The following CCDC88C variants were observed in gnomAD, a reference collection of about 807,000 sequenced individuals.
CCDC88C encodes the protein coiled-coil and HOOK domain protein 88C.
CCDC88C carries 131 observed loss-of-function variants against 198.8 expected under a neutral mutation model. That is an observed-to-expected ratio of 0.66 (90% CI 0.57 to 0.76). The LOEUF (loss-of-function observed/expected upper bound fraction) is 0.76. CCDC88C is among the 30% of genes least tolerant of loss of function. The pLI is 0.00. For missense variants in CCDC88C, 2,553 were observed against 2,631.6 expected, an observed-to-expected ratio of 0.97 and a Z score of 0.65; for synonymous variants, 1,166 against 1,114.7, an observed-to-expected ratio of 1.05 and a Z score of -0.92.
At chr14:91,279,328 A>G (rs1034544775) in intron 27 of CCDC88C, 22 bp from the exon 28 acceptor site, 12 of 1,574,964 alleles carry the variant, frequency 7.6e-6, no homozygotes, top group Non-Finnish European at 1.0e-5. Context: ...TGGCAGTGTT[A>G]AAATTAAAAA....
chr14:91,272,960 C>T lies in CCDC88C; in HGVS notation c.5752G>A (p.Ala1918Thr), dbSNP rs1167671954. The change falls in exon 30 of 30, where the codon GCT becomes ACT. Residue 1918 changes from alanine (A) to threonine (T), a missense_variant. By Grantham distance (58) the Ala-to-Thr change is moderately conservative. Around this residue, in one of 2 missense-constraint regions of CCDC88C, gnomAD observed 1,293 missense variants for 1,219.6 expected, o/e 1.06. Coordinates refer to ENST00000389857, the MANE Select transcript of CCDC88C (RefSeq NM_001080414.4). ...IATAGAGAAA[A>T]GSGSNSQLLH... is the part of the protein sequence containing the mutation. ...AGCTGGGAGTTGCTGCCACTGCCAG[C>T]AGCAGCAGCACCAGCACCTGCAGTG... 2 of 1,557,670 alleles carry T rather than the reference C, an allele frequency of 1.3e-6. No homozygotes were observed. The highest frequency in any genetic ancestry group is 2.7e-5 in the African/African-American group (2 of 73,844).
chr14:91,306,064 A>G, intron 18 of CCDC88C, 138 bp from the exon 19 acceptor site: 1 of 766,008 alleles, frequency 1.3e-6, no homozygotes, highest in Non-Finnish European at 2.1e-6. Context: ...TGAGGTCAGT[A>G]TATTTTCTCT....
intron 3 of CCDC88C, among the ~76,000 whole-genome samples, chr14:91,382,745 A>T (rs563532787): frequency 6.6e-6 from 1 of 152,288 alleles, no homozygotes; most frequent in South Asian, 2.1e-4. Context: ...GTCTGCTTGG[A>T]TTTTTGGCAC....
intron 10 of CCDC88C, among the ~76,000 whole-genome samples, chr14:91,334,139 T>C (rs921413522): frequency 2.0e-5 from 3 of 152,242 alleles, no homozygotes; most frequent in African/African-American, 7.2e-5. Context: ...CATCAATCTA[T>C]CCATCTCTCT....
chr14:91,303,981 GC>G lies in CCDC88C; in HGVS notation c.3358-4del. 1 of 1,596,182 alleles carries G rather than the reference GC, an allele frequency of 6.3e-7. No individual in the cohort carries two copies. The highest frequency in any genetic ancestry group is 8.5e-7 in the Non-Finnish European group (1 of 1,172,814). On this transcript the variant is annotated splice_polypyrimidine_tract_variant and splice_region_variant and intron_variant, in intron 19 of 29. Transcript: ENST00000389857. ...GAACTCAGCGTGGAGTTCTCCACCT[GC>G]CGAGAGGGAGAAGCGCGGCGTGGCG...
intron 3 of CCDC88C, among the ~76,000 whole-genome samples, chr14:91,401,106 A>G (rs998290578): frequency 1.2e-4 from 18 of 151,602 alleles, no homozygotes; most frequent in African/African-American, 4.4e-4. Context: ...TACGAGCCAC[A>G]CTTTAGAAAC....
chr14:91,360,955 G>A (rs538712251), intron 3 of CCDC88C, among the ~76,000 whole-genome samples: 16 of 152,174 alleles, frequency 1.1e-4, no homozygotes, highest in Admixed American at 1.0e-3. Flanking sequence ...AGACAAGCCT[G>A]GGCAACACAG....
In CCDC88C at chr14:91,342,653, A is replaced by G. The variant is rs116026122; in HGVS notation, c.400-190T>C. Reference sequence around the variant, plus strand: ...TCTAGTGGTTGCCAGGACCACTTACATCAGAATCACCTGGGGAGCTTGTTC... The same window carrying G: ...TCTAGTGGTTGCCAGGACCACTTACGTCAGAATCACCTGGGGAGCTTGTTC... On this transcript the variant is annotated intron_variant, in intron 5 of 29. Transcript: ENST00000389857. Among the ~76,000 whole-genome samples the G allele has an allele frequency of 5.6e-3, 855 of 152,336 alleles. 5 individuals carry two copies. Among genetic ancestry groups the G allele is most frequent in the African/African-American group, 0.02 (814 of 41,574 alleles).
intron 25 of CCDC88C, chr14:91,285,541 T>C (rs1890367521): frequency 1.2e-6 from 1 of 849,138 alleles, no homozygotes; most frequent in Non-Finnish European, 1.6e-6. Context: ...ACTTTAAGCT[T>C]GAAATTGGGG....
At chr14:91,388,821 G>T (rs146724350) in intron 3 of CCDC88C, among the ~76,000 whole-genome samples, 16 of 152,256 alleles carry the variant, frequency 1.1e-4, no homozygotes, top group African/African-American at 3.9e-4. Context: ...ACTTCCCTGG[G>T]TATTAATAGC....
At position 91,278,172 on chromosome 14, in the gene CCDC88C, C is replaced by T. The variant is rs1420249613; in HGVS notation, c.4808G>A (p.Ser1603Asn). ...CCTGCTGGGGATCAGGTCTTCGCTG[C>T]TGAAGCTCTCAGACCGGCCATGGAG... ...EQLHGRSESF[S>N]SEDLIPSRDL... Residue 1603 changes from serine to asparagine, a missense_variant, in exon 29 of 30, where the codon AGC becomes AAC. This residue lies in a region of CCDC88C where 1,293 missense variants were observed against 1,219.6 expected (regional missense o/e 1.06). Transcript: ENST00000389857. 1 of 1,611,204 alleles carries T rather than the reference C, an allele frequency of 6.2e-7. No homozygotes were observed. Among genetic ancestry groups the T allele is most frequent in the Admixed American group, 1.7e-5 (1 of 59,964 alleles).
chr14:91,352,628 G>A lies in CCDC88C; in HGVS notation c.340+7014C>T, dbSNP rs1205677966. On this transcript the variant is annotated intron_variant, in intron 4 of 29. Coordinates refer to ENST00000389857, the MANE Select transcript of CCDC88C (RefSeq NM_001080414.4). This position sits in a 1 kb window ranked among gnomAD's most constrained non-coding sequence, Gnocchi z 4.2. Reference sequence around the variant, plus strand: ...AACGCCCAAAACGTTTTGCAAATATGAAAATTATATATATATACACACACA... The same window carrying A: ...AACGCCCAAAACGTTTTGCAAATATAAAAATTATATATATATACACACACA... Among the ~76,000 whole-genome samples the A allele has an allele frequency of 6.6e-6, 1 of 152,102 alleles. No individual in the cohort carries two copies. The highest frequency in any genetic ancestry group is 1.5e-5 in the Non-Finnish European group (1 of 68,008).
At chr14:91,358,128 C>T (rs1894127211) in intron 4 of CCDC88C, among the ~76,000 whole-genome samples, 1 of 152,214 alleles carries the variant, frequency 6.6e-6, no homozygotes, top group Non-Finnish European at 1.5e-5. Flanking sequence ...AACAAGGAAG[C>T]CGCTGCTGAT....
At chr14:91,296,846 G>A (rs796530479) in intron 22 of CCDC88C, among the ~76,000 whole-genome samples, 13 of 152,248 alleles carry the variant, frequency 8.5e-5, no homozygotes, top group African/African-American at 2.4e-4. Flanking sequence ...GTCTTGCTGC[G>A]TGAGGCCATT....
chr14:91,345,191 T>TATATA (rs1491366967), intron 4 of CCDC88C, among the ~76,000 whole-genome samples: 8 of 33,628 alleles, frequency 2.4e-4, no homozygotes, highest in African/African-American at 1.0e-3. Flanking sequence ...TATATATATA[T>TATATA]TTTTTTTTTT....
At chr14:91,367,265 C>CA (rs1239776726) in intron 3 of CCDC88C, among the ~76,000 whole-genome samples, 2 of 152,176 alleles carry the variant, frequency 1.3e-5, no homozygotes. Context: ...GATGAACGCC[C>CA]AGCACAGGCA....
At chr14:91,301,774 A>G (rs1236748843) in intron 20 of CCDC88C, among the ~76,000 whole-genome samples, 1 of 152,226 alleles carries the variant, frequency 6.6e-6, no homozygotes, top group Admixed American at 6.5e-5. Flanking sequence ...ACATAACATA[A>G]CACTAAGAAT....
intron 21 of CCDC88C, among the ~76,000 whole-genome samples, chr14:91,298,696 T>C (rs1891135573): frequency 6.6e-6 from 1 of 152,234 alleles, no homozygotes; most frequent in Non-Finnish European, 1.5e-5. Context: ...GCTGCCCTTT[T>C]AGACGATGTG....
At chr14:91,327,835 A>G (rs2139836106) in intron 10 of CCDC88C, among the ~76,000 whole-genome samples, 1 of 152,180 alleles carries the variant, frequency 6.6e-6, no homozygotes, top group South Asian at 2.1e-4. Flanking sequence ...CTGAGCAACC[A>G]CCGCACAGGC....
Sources: allele counts gnomAD v4.1 joint callset (sites outside exome capture counted in the v4.1 genomes callset), GRCh38; gene constraint gnomAD v4.1.1; regional missense constraint gnomAD v4.1.1; non-coding constraint Gnocchi (gnomAD v3.1); transcripts MANE v1.5; gene names NCBI Gene and HGNC (gene_info 2026-07-23, HGNC 2026-07-21).